Variants in CFH observed in about 807,000 individuals in gnomAD.
The protein encoded by CFH is complement factor H.
Under a neutral mutation model 147.3 loss-of-function variants are expected in CFH, and 53 were observed. That is an observed-to-expected ratio of 0.36 (90% CI 0.29 to 0.45). CFH has a LOEUF of 0.45. Ranked by LOEUF, CFH falls within the 20% of genes least tolerant of loss-of-function variation. CFH has a pLI of 1.00. For synonymous variants in CFH, 536 were observed against 489.4 expected, an observed-to-expected ratio of 1.10 and a Z score of -1.26; for missense variants, 1,380 against 1,498.0, an observed-to-expected ratio of 0.92 and a Z score of 1.30.
At chr1:196,673,637 A>G (rs1402929882) in intron 2 of CFH, among the ~76,000 whole-genome samples, 1 of 152,120 alleles carries the variant, frequency 6.6e-6, no homozygotes, top group Non-Finnish European at 1.5e-5. Flanking sequence ...TGCCCAGCCA[A>G]TACATCATCA....
At chr1:196,652,454 T>C (rs1055170054) in intron 1 of CFH, among the ~76,000 whole-genome samples, 2 of 151,974 alleles carry the variant, frequency 1.3e-5, no homozygotes, top group Admixed American at 1.3e-4. Context: ...TCATTTCCCT[T>C]GTAATTATCA....
At chr1:196,667,369 C>T (rs1667135906) in intron 1 of CFH, among the ~76,000 whole-genome samples, 1 of 152,114 alleles carries the variant, frequency 6.6e-6, no homozygotes, top group African/African-American at 2.4e-5. Flanking sequence ...CCAGCTCCAG[C>T]AAACATTGTT....
At chr1:196,707,361 G>A (rs1668614422) in intron 9 of CFH, among the ~76,000 whole-genome samples, 1 of 152,068 alleles carries the variant, frequency 6.6e-6, no homozygotes, top group East Asian at 1.9e-4. Context: ...AAATAAATTA[G>A]ATATTATCAA....
chr1:196,688,652 C>T (rs1288433464), intron 7 of CFH, among the ~76,000 whole-genome samples: 2 of 152,124 alleles, frequency 1.3e-5, no homozygotes, highest in East Asian at 3.9e-4. Context: ...ACTCTGTAAC[C>T]CATGCTGGAG....
chr1:196,737,414 T>A, intron 16 of CFH, 61 bp from the exon 17 acceptor site: 1 of 1,197,412 alleles, frequency 8.4e-7, no homozygotes, highest in Non-Finnish European at 1.2e-6. Flanking sequence ...GTATTTAGTT[T>A]TATATTTCAA....
chr1:196,702,781 G>T (rs1357773141), intron 9 of CFH, among the ~76,000 whole-genome samples: 1 of 152,182 alleles, frequency 6.6e-6, no homozygotes, highest in African/African-American at 2.4e-5. Context: ...ACTGGAGATA[G>T]ATCTAACCTT....
At chr1:196,672,735 C>T (rs976448905) in intron 1 of CFH, among the ~76,000 whole-genome samples, 1 of 151,918 alleles carries the variant, frequency 6.6e-6, no homozygotes, top group Non-Finnish European at 1.5e-5. Context: ...AGGTGTTTTT[C>T]CACAGTGAAC....
At chr1:196,686,206 G>A (rs1667820886) in intron 7 of CFH, among the ~76,000 whole-genome samples, 1 of 152,142 alleles carries the variant, frequency 6.6e-6, no homozygotes, top group Non-Finnish European at 1.5e-5. Flanking sequence ...TGAGATGTGT[G>A]TGGGGACACA....
At chr1:196,734,638 T>A (rs1033705926) in intron 15 of CFH, among the ~76,000 whole-genome samples, 1 of 152,090 alleles carries the variant, frequency 6.6e-6, no homozygotes, top group Admixed American at 6.6e-5. Flanking sequence ...TCCAGTATCG[T>A]CATTGAATCA....
intron 19 of CFH, 115 bp from the exon 20 acceptor site, chr1:196,743,337 G>C (rs1201443736): frequency 1.4e-6 from 2 of 1,413,160 alleles, no homozygotes; most frequent in African/African-American, 2.9e-5. Flanking sequence ...CAAAATATTT[G>C]ATGAGATTGT....
chr1:196,665,887 G>A (rs912424741), intron 1 of CFH, among the ~76,000 whole-genome samples: 2 of 152,190 alleles, frequency 1.3e-5, no homozygotes, highest in Admixed American at 6.5e-5. Flanking sequence ...GAATATAGGC[G>A]TGAGCCACCG....
At chr1:196,706,240 G>A (rs1668586051) in intron 9 of CFH, among the ~76,000 whole-genome samples, 1 of 152,026 alleles carries the variant, frequency 6.6e-6, no homozygotes, top group Non-Finnish European at 1.5e-5. Context: ...ATGCTCATGG[G>A]GCCGTTTGGA....
At chr1:196,694,921 T>C (rs1415088236) in intron 9 of CFH, among the ~76,000 whole-genome samples, 1 of 152,218 alleles carries the variant, frequency 6.6e-6, no homozygotes, top group Non-Finnish European at 1.5e-5. Flanking sequence ...GTCAGATGGA[T>C]AGATTGCAAA....
At chr1:196,677,333 G>A (rs1667490296) in intron 4 of CFH, 143 bp from the exon 5 acceptor site, 1 of 706,074 alleles carries the variant, frequency 1.4e-6, no homozygotes, top group Admixed American at 2.5e-5. Context: ...AGTATCTCTA[G>A]CAAACAGGTA....
intron 15 of CFH, among the ~76,000 whole-genome samples, chr1:196,733,131 T>G (rs1384125602): frequency 6.6e-6 from 1 of 151,998 alleles, no homozygotes; most frequent in Non-Finnish European, 1.5e-5. Flanking sequence ...AATGGATAAA[T>G]CTGAATTTAT....
Position 196,652,069 on chromosome 1 carries a change from C to A in CFH, c.-49C>A, listed in dbSNP as rs756698602. ...CAATTCTTGGAAGAGGAGAACTGGACGTTGTGAACAGAGTTAGCTGGTAAA... is the reference window on the plus strand; with the variant it reads ...CAATTCTTGGAAGAGGAGAACTGGAAGTTGTGAACAGAGTTAGCTGGTAAA... On this transcript the variant is annotated 5_prime_UTR_variant, in exon 1 of 22. Transcript: ENST00000367429. 3 of 1,275,492 alleles carry A rather than the reference C, an allele frequency of 2.4e-6. No homozygotes were observed. The highest frequency in any genetic ancestry group is 4.6e-5 in the East Asian group (2 of 43,222). The allele number at this position is 1,275,492 out of a possible 1,614,324, so 79.0% of individuals were successfully genotyped here.
chr1:196,732,220 T>C (rs1385777194), intron 15 of CFH, among the ~76,000 whole-genome samples: 1 of 152,034 alleles, frequency 6.6e-6, no homozygotes, highest in African/African-American at 2.4e-5. Context: ...TGATTTTCAG[T>C]AATTTGACTT....
chr1:196,671,103 AGTT>A (rs963113864), intron 1 of CFH, among the ~76,000 whole-genome samples: 1 of 152,054 alleles, frequency 6.6e-6, no homozygotes, highest in African/African-American at 2.4e-5. Context: ...CCATCTGACA[AGTT>A]GTTATTTCTG....
At position 196,685,275 on chromosome 1, in the gene CFH, T is replaced by C. The variant is rs940872214; in HGVS notation, c.964+38T>C. 3 of 1,604,324 alleles carry C rather than the reference T, an allele frequency of 1.9e-6. No homozygotes were observed. The African/African-American group carries it at 4.0e-5, about 21-fold the overall frequency. Reference sequence around the variant, plus strand: ...CATATCTTGACCCATTTCTTAATTCTGAAATTTCTTTTAAACACATAAAAA... The same window carrying C: ...CATATCTTGACCCATTTCTTAATTCCGAAATTTCTTTTAAACACATAAAAA... On this transcript the variant is annotated intron_variant, in intron 7 of 21. Transcript: ENST00000367429.
Sources: gnomAD v4.1 joint callset for allele counts (sites outside exome capture counted in the v4.1 genomes callset) on GRCh38, gnomAD v4.1.1 for gene constraint, MANE v1.5 for transcripts, NCBI Gene and HGNC (gene_info 2026-07-23, HGNC 2026-07-21) for gene names.